The following KIF26B variants were observed in gnomAD, a reference collection of about 807,000 sequenced individuals.
The protein encoded by KIF26B is kinesin-like protein KIF26B.
KIF26B carries 63 observed loss-of-function variants against 151.2 expected under a neutral mutation model. The observed-to-expected ratio is 0.42, with a 90% CI of 0.34 to 0.51. The LOEUF is 0.51. KIF26B is among the 20% of genes least tolerant of loss of function. The probability of loss-of-function intolerance (pLI) is 0.07; values close to 1 mark genes in which losing one functional copy is unlikely to be tolerated. For missense variants in KIF26B, 2,813 were observed against 2,913.6 expected (o/e 0.97, Z 0.79); for synonymous variants, 1,357 against 1,262.1 (o/e 1.08, Z -1.59).
intron 2 of KIF26B, among the ~76,000 whole-genome samples, chr1:245,279,038 C>T (rs529442128): frequency 2.6e-5 from 4 of 152,276 alleles, no homozygotes; most frequent in East Asian, 1.9e-4. Context: ...CAGTTCCTTA[C>T]GAAGCCTCTG....
intron 4 of KIF26B, among the ~76,000 whole-genome samples, chr1:245,475,663 T>C (rs1044590876): frequency 6.6e-6 from 1 of 151,846 alleles, no homozygotes; most frequent in African/African-American, 2.4e-5. Context: ...TCATTAGTCA[T>C]TAGGAAAATG....
chr1:245,626,956 C>T (rs942428659), intron 9 of KIF26B, among the ~76,000 whole-genome samples: 3 of 152,126 alleles, frequency 2.0e-5, no homozygotes, highest in African/African-American at 7.2e-5. Flanking sequence ...TTATGGATAT[C>T]TAGTTTTCCC....
chr1:245,191,387 A>C (rs1669106764), intron 2 of KIF26B, among the ~76,000 whole-genome samples: 1 of 152,138 alleles, frequency 6.6e-6, no homozygotes, highest in South Asian at 2.1e-4. Flanking sequence ...AGGCAGGAGA[A>C]TCATTTAAAC....
In KIF26B at chr1:245,694,777, G is replaced by A. The variant is rs139008184; in HGVS notation, c.5825-3329G>A. Among the ~76,000 whole-genome samples, 720 of 152,374 alleles carry A rather than the reference G, an allele frequency of 4.7e-3. 5 individuals carry two copies. Among genetic ancestry groups the A allele is most frequent in the African/African-American group, 0.017 (697 of 41,588 alleles). ...GGTTGGAAGTTTCACTGAAGTATCAGTGTTGACTTTCTCAGGTCAAATCTG... is the reference window on the plus strand; with the variant it reads ...GGTTGGAAGTTTCACTGAAGTATCAATGTTGACTTTCTCAGGTCAAATCTG... On this transcript the variant is annotated intron_variant, in intron 12 of 14. Transcript: ENST00000407071.
intron 5 of KIF26B, among the ~76,000 whole-genome samples, chr1:245,551,499 G>A (rs958285903): frequency 1.2e-4 from 18 of 152,180 alleles, no homozygotes; most frequent in African/African-American, 4.3e-4. Context: ...GAAAAACAGA[G>A]AGCAGGGTTT....
At chr1:245,243,431 C>T (rs1250112032) in intron 2 of KIF26B, among the ~76,000 whole-genome samples, 3 of 60,470 alleles carry the variant, frequency 5.0e-5, no homozygotes, top group African/African-American at 9.9e-5. Context: ...TATATATATA[C>T]ATACATATAT....
chr1:245,428,476 A>T (rs1658699161), intron 4 of KIF26B, among the ~76,000 whole-genome samples: 2 of 152,154 alleles, frequency 1.3e-5, no homozygotes, highest in African/African-American at 2.4e-5. Context: ...TTGTAATTTA[A>T]CGTCTACACT....
At chr1:245,189,365 A>T (rs1558338930) in intron 2 of KIF26B, among the ~76,000 whole-genome samples, 1 of 152,228 alleles carries the variant, frequency 6.6e-6, no homozygotes, top group East Asian at 1.9e-4. Flanking sequence ...CAGGAAAACA[A>T]AAGATAATGA....
intron 9 of KIF26B, among the ~76,000 whole-genome samples, chr1:245,621,373 G>T (rs2043657523): frequency 6.6e-6 from 1 of 152,108 alleles, no homozygotes; most frequent in African/African-American, 2.4e-5. Flanking sequence ...TGCATTGTGG[G>T]ATATTATAGG....
At chr1:245,438,552 A>G (rs921800095) in intron 4 of KIF26B, among the ~76,000 whole-genome samples, 1 of 152,188 alleles carries the variant, frequency 6.6e-6, no homozygotes. Flanking sequence ...TACCAAAGAA[A>G]AATGAAACGA....
At chr1:245,455,244 G>A (rs1659489164) in intron 4 of KIF26B, among the ~76,000 whole-genome samples, 1 of 152,134 alleles carries the variant, frequency 6.6e-6, no homozygotes, top group South Asian at 2.1e-4. Flanking sequence ...GGTGGCTCAC[G>A]CCCGTAATCC....
Position 245,251,309 on chromosome 1 carries a change from G to C in KIF26B, c.465+94626G>C, listed in dbSNP as rs1171232855. Among the ~76,000 whole-genome samples, 6 of 152,182 alleles carry C rather than the reference G, an allele frequency of 3.9e-5. No homozygotes were observed. In the East Asian group the frequency reaches 1.2e-3, roughly 29 times the overall value. ...ACCCTCCTGAAATCTTAAGTTCTCA[G>C]ATGCCAGCCAAGAGTCAACCTTGCA... On this transcript the variant is annotated intron_variant, in intron 2 of 14. Coordinates refer to ENST00000407071, the MANE Select transcript of KIF26B (RefSeq NM_018012.4).
intron 5 of KIF26B, among the ~76,000 whole-genome samples, chr1:245,581,259 C>T (rs1362581637): frequency 1.3e-5 from 2 of 152,232 alleles, no homozygotes; most frequent in Admixed American, 1.3e-4. Flanking sequence ...TTGGTATCAC[C>T]TGGATAAGTA....
chr1:245,416,292 A>AAAAG (rs67260242), intron 3 of KIF26B, among the ~76,000 whole-genome samples: 45,808 of 142,816 alleles, frequency 0.32, 8,190 homozygotes, highest in South Asian at 0.42. Flanking sequence ...AAAAAAAAAA[A>AAAAG]AAAAAAAGAA....
At chr1:245,209,409 A>T (rs1176719275) in intron 2 of KIF26B, among the ~76,000 whole-genome samples, 12 of 151,730 alleles carry the variant, frequency 7.9e-5, no homozygotes, top group Non-Finnish European at 1.3e-4. Flanking sequence ...TAAAAAAAAT[A>T]AAACAAGAAA....
rs1661358542 is a variant in KIF26B at position 245,531,510 on chromosome 1, A to C, written c.1167-9257A>C. 3.9e-5 allele frequency among the ~76,000 whole-genome samples: 6 copies of C among 152,262 alleles called. No homozygotes were observed. In the South Asian group the frequency reaches 1.2e-3, roughly 32 times the overall value. ...GGATGGATGTGATGATGTATAGAAA[A>C]TGTTTTAAGAAAAAAAAAATCCAAG... On this transcript the variant is annotated intron_variant, in intron 4 of 14. Coordinates refer to ENST00000407071, the MANE Select transcript of KIF26B (RefSeq NM_018012.4).
intron 9 of KIF26B, 123 bp downstream of exon 9, chr1:245,612,099 TGTGTGTGAGAGAGAGA>T: frequency 6.8e-6 from 4 of 588,274 alleles, no homozygotes; most frequent in South Asian, 5.0e-5. Context: ...TGTGTGTGTG[TGTGTGTGAGAGAGAGA>T]GAGAGAGAGA....
chr1:245,502,107 C>T (rs1010028885), intron 4 of KIF26B, among the ~76,000 whole-genome samples: 5 of 152,202 alleles, frequency 3.3e-5, no homozygotes, highest in African/African-American at 1.2e-4. Flanking sequence ...TTTAGAACTA[C>T]TTTATATGGA....
chr1:245,523,452 C>G (rs919598896), intron 4 of KIF26B, among the ~76,000 whole-genome samples: 5 of 152,028 alleles, frequency 3.3e-5, no homozygotes, highest in African/African-American at 1.2e-4. Flanking sequence ...TGTCTTAGTT[C>G]CTTTGGGTCG....
Sources: allele counts gnomAD v4.1 joint callset (sites outside exome capture counted in the v4.1 genomes callset), GRCh38; gene constraint gnomAD v4.1.1; transcripts MANE v1.5; gene names NCBI Gene and HGNC (gene_info 2026-07-23, HGNC 2026-07-21).